The following ST6GAL1 variants were observed in gnomAD, a reference collection of about 807,000 sequenced individuals.
ST6GAL1 encodes the protein beta-galactoside alpha-2,6-sialyltransferase 1.
In ST6GAL1, 20 loss-of-function variants were observed where a neutral mutation model predicts 38.0. The observed-to-expected ratio is 0.53, with a 90% CI of 0.37 to 0.77. The LOEUF (loss-of-function observed/expected upper bound fraction) is 0.77. Ranked by LOEUF, ST6GAL1 falls within the 30% of genes least tolerant of loss-of-function variation. The probability of loss-of-function intolerance (pLI) is 0.00; values close to 1 mark genes in which losing one functional copy is unlikely to be tolerated. For synonymous variants in ST6GAL1, 196 were observed against 188.2 expected (o/e 1.04, Z -0.34); for missense variants, 432 against 496.4 (o/e 0.87, Z 1.23).
intron 5 of ST6GAL1, among the ~76,000 whole-genome samples, chr3:187,070,596 T>C (rs1023800380): frequency 6.6e-6 from 1 of 151,944 alleles, no homozygotes; most frequent in African/African-American, 2.4e-5. Flanking sequence ...GGCTAATGTT[T>C]GTATTTTCAG....
intron 2 of ST6GAL1, among the ~76,000 whole-genome samples, chr3:186,969,603 T>C (rs1715280753): frequency 1.3e-5 from 2 of 152,350 alleles, no homozygotes; most frequent in African/African-American, 4.8e-5. Context: ...TTTGCAAAAT[T>C]GTTCTCCAAT....
rs1719599363 is a variant in ST6GAL1, at chr3:187,077,426, G to C, written c.*1623G>C. On this transcript the variant is annotated 3_prime_UTR_variant, in exon 8 of 8. Coordinates refer to ENST00000169298, the MANE Select transcript of ST6GAL1 (RefSeq NM_173216.2). ...CAAGGCTGGCCCCATGTGCTCAAGG[G>C]GATCTAATGTTTGGGCTCCAAACTA... is the stretch of plus-strand genomic sequence containing the variant. 6.4e-6 allele frequency: 1 copy of C among 155,272 alleles called. No homozygotes were observed. The highest frequency in any genetic ancestry group is 6.5e-5 in the Admixed American group (1 of 15,340). 9.6% of individuals were successfully genotyped at this position (155,272 alleles called of 1,614,324 possible).
rs1230237026 is a variant in ST6GAL1, at chr3:186,951,425, C to T, written c.-324-12360C>T. Among the ~76,000 whole-genome samples, 4 of 152,126 alleles carry T rather than the reference C, an allele frequency of 2.6e-5. No individual in the cohort carries two copies. The East Asian group carries it at 5.8e-4, about 22-fold the overall frequency. On this transcript the variant is annotated intron_variant, in intron 1 of 7. Coordinates refer to ENST00000169298, the MANE Select transcript of ST6GAL1 (RefSeq NM_173216.2). ...GCCATGTCGCTTCATTTTGTTGGTC[C>T]ATTGGTTCTCAACCCTGGCTGTCAT...
chr3:186,948,087 A>G (rs16861325), intron 1 of ST6GAL1, among the ~76,000 whole-genome samples: 7,449 of 152,206 alleles, frequency 0.049, 560 homozygotes, highest in African/African-American at 0.16. Flanking sequence ...CTGGGTGAGA[A>G]TCCGCTCTTG....
intron 1 of ST6GAL1, among the ~76,000 whole-genome samples, chr3:186,933,820 AC>A (rs921775580): frequency 7.9e-5 from 12 of 152,336 alleles, no homozygotes; most frequent in African/African-American, 2.9e-4. Flanking sequence ...TTATAACAAC[AC>A]CCTTTAAGTC....
chr3:186,987,243 GA>G (rs1715976442), intron 2 of ST6GAL1, among the ~76,000 whole-genome samples: 1 of 150,190 alleles, frequency 6.7e-6, no homozygotes, highest in South Asian at 2.1e-4. Flanking sequence ...AGGAAGAAAG[GA>G]AAGAAAGGAA....
chr3:186,954,621 A>T (rs1393182111), intron 1 of ST6GAL1, among the ~76,000 whole-genome samples: 1 of 151,272 alleles, frequency 6.6e-6, no homozygotes, highest in East Asian at 1.9e-4. Context: ...GGCCACATAA[A>T]TGTCTTATTT....
intron 1 of ST6GAL1, chr3:186,942,465 C>T (rs939929927): frequency 2.0e-5 from 3 of 152,156 alleles, no homozygotes; most frequent in Admixed American, 6.5e-5. Flanking sequence ...AATCTGCATC[C>T]GTCTGTTGGT....
At chr3:186,989,681 G>C (rs1385245832) in intron 2 of ST6GAL1, among the ~76,000 whole-genome samples, 1 of 152,348 alleles carries the variant, frequency 6.6e-6, no homozygotes, top group East Asian at 1.9e-4. Context: ...TAAAAGCTTT[G>C]TGTATTTGAC....
intron 2 of ST6GAL1, among the ~76,000 whole-genome samples, chr3:187,032,916 CA>C (rs1481918657): frequency 6.6e-6 from 1 of 152,172 alleles, no homozygotes; most frequent in Non-Finnish European, 1.5e-5. Context: ...TAGCCTTCAA[CA>C]GAGGATTTTC....
intron 5 of ST6GAL1, among the ~76,000 whole-genome samples, chr3:187,054,316 G>A (rs1718616415): frequency 6.6e-6 from 1 of 152,074 alleles, no homozygotes; most frequent in African/African-American, 2.4e-5. Context: ...GATTGCCCTG[G>A]CCAGAACTTC....
chr3:186,963,269 G>T (rs945146122), intron 1 of ST6GAL1, among the ~76,000 whole-genome samples: 14 of 152,068 alleles, frequency 9.2e-5, no homozygotes, highest in African/African-American at 3.4e-4. Context: ...TTGTTGTCCA[G>T]GCTGGAGTGC....
chr3:187,016,879 TCAC>T (rs1717132709), intron 2 of ST6GAL1, among the ~76,000 whole-genome samples: 1 of 152,108 alleles, frequency 6.6e-6, no homozygotes, highest in African/African-American at 2.4e-5. Context: ...CAAGACAAGA[TCAC>T]CACGTGGGGA....
At chr3:187,018,659 A>G (rs990302781) in intron 2 of ST6GAL1, among the ~76,000 whole-genome samples, 1 of 152,170 alleles carries the variant, frequency 6.6e-6, no homozygotes, top group Non-Finnish European at 1.5e-5. Flanking sequence ...CACCCAGATT[A>G]AGGGTGGGTC....
intron 5 of ST6GAL1, among the ~76,000 whole-genome samples, chr3:187,069,828 G>A (rs1378643458): frequency 6.6e-6 from 1 of 152,086 alleles, no homozygotes; most frequent in African/African-American, 2.4e-5. Context: ...TGTACTAGTT[G>A]TTCCTGCAAG....
intron 1 of ST6GAL1, among the ~76,000 whole-genome samples, chr3:186,960,199 G>A (rs368046216): frequency 6.6e-6 from 1 of 152,190 alleles, no homozygotes; most frequent in African/African-American, 2.4e-5. Flanking sequence ...GAGTCACTGC[G>A]CCCAAGGCAG....
At chr3:186,996,492 G>T (rs992823119) in intron 2 of ST6GAL1, 2 of 152,176 alleles carry the variant, frequency 1.3e-5, no homozygotes, top group African/African-American at 4.8e-5. Flanking sequence ...TGAGACAGGA[G>T]CTTCTTCTCT....
rs567505580 is a variant in ST6GAL1 at position 186,998,178 on chromosome 3, T to C, written c.-183+34252T>C. ...AGAACTACACAGGGGTTAAGGGCAC[T>C]AGCTCCCTGTGCAGTTGAAAGTCCA... On this transcript the variant is annotated intron_variant, in intron 2 of 7. Coordinates refer to ENST00000169298, the MANE Select transcript of ST6GAL1 (RefSeq NM_173216.2). Among the ~76,000 whole-genome samples, 17 of 152,318 alleles carry C rather than the reference T, an allele frequency of 1.1e-4. No individual in the cohort carries two copies. The South Asian group carries it at 3.5e-3, about 32-fold the overall frequency.
Position 187,075,207 on chromosome 3 carries a change from A to G in ST6GAL1, c.980-355A>G, listed in dbSNP as rs757149369. On this transcript the variant is annotated intron_variant, in intron 7 of 7. Transcript: ENST00000169298. The surrounding 1 kb of genome is among the most constrained non-coding windows in gnomAD (Gnocchi z 4.1). ...TACACATGATGCCACTGTCTCCTCA[A>G]TCAGCTCAGTAATCTTGTCCTCTTT... 3.9e-5 allele frequency among the ~76,000 whole-genome samples: 6 copies of G among 152,240 alleles called. No individual in the cohort carries two copies. The highest frequency in any genetic ancestry group is 9.6e-5 in the African/African-American group (4 of 41,458).
Sources: allele counts gnomAD v4.1 joint callset (sites outside exome capture counted in the v4.1 genomes callset), GRCh38; gene constraint gnomAD v4.1.1; non-coding constraint Gnocchi (gnomAD v3.1); transcripts MANE v1.5; gene names NCBI Gene and HGNC (gene_info 2026-07-23, HGNC 2026-07-21).